The following MYO16 variants were observed in gnomAD, a reference collection of about 807,000 sequenced individuals.
MYO16 encodes unconventional myosin-XVI.
MYO16 carries 94 observed loss-of-function variants against 205.3 expected under a neutral mutation model. That is an observed-to-expected ratio of 0.46 (90% confidence interval 0.39 to 0.54). The LOEUF (loss-of-function observed/expected upper bound fraction) is 0.54, where lower values mean the gene tolerates loss of function less well. Ranked by LOEUF, MYO16 falls within the 20% of genes least tolerant of loss-of-function variation. The probability of loss-of-function intolerance (pLI) is 0.00; values close to 1 mark genes in which losing one functional copy is unlikely to be tolerated. For missense variants in MYO16, 2,315 were observed against 2,387.5 expected (o/e 0.97, Z 0.63); for synonymous variants, 988 against 954.0 (o/e 1.04, Z -0.66).
chr13:109,040,997 A>G (rs1177692539), intron 23 of MYO16, among the ~76,000 whole-genome samples: 2 of 152,208 alleles, frequency 1.3e-5, no homozygotes, highest in Admixed American at 1.3e-4. Flanking sequence ...TCAAAGAACT[A>G]ATAAGTGAGT....
At chr13:108,935,632 C>T (rs1253028480) in intron 16 of MYO16, among the ~76,000 whole-genome samples, 1 of 152,072 alleles carries the variant, frequency 6.6e-6, no homozygotes, top group Non-Finnish European at 1.5e-5. Flanking sequence ...ATTTCTCTGG[C>T]TATGACTTCT....
At chr13:108,517,409 CAA>C in the MYO16 span, among the ~76,000 whole-genome samples, 1 of 152,114 alleles carries the variant, frequency 6.6e-6, no homozygotes, top group African/African-American at 2.4e-5. Context: ...CCAAGAATAA[CAA>C]GAGGAAATTT....
chr13:108,958,835 G>C (rs1216564936), intron 17 of MYO16, among the ~76,000 whole-genome samples: 2 of 152,092 alleles, frequency 1.3e-5, no homozygotes, highest in African/African-American at 4.8e-5. Flanking sequence ...TGGTGTTTTG[G>C]ATTATGGTCA....
At chr13:108,869,487 G>T (rs1452760442) in intron 12 of MYO16, among the ~76,000 whole-genome samples, 2 of 151,808 alleles carry the variant, frequency 1.3e-5, no homozygotes, top group Middle Eastern at 3.4e-3. Flanking sequence ...CACTTTGGGA[G>T]GCCGAGGCGG....
At chr13:108,766,367 G>A (rs1005184218) in intron 4 of MYO16, among the ~76,000 whole-genome samples, 4 of 152,202 alleles carry the variant, frequency 2.6e-5, no homozygotes, top group African/African-American at 9.6e-5. Flanking sequence ...TTTATTTTCT[G>A]CAGGTGCACA....
At chr13:108,572,463 C>G in the MYO16 span, among the ~76,000 whole-genome samples, 3 of 152,162 alleles carry the variant, frequency 2.0e-5, no homozygotes, top group African/African-American at 7.2e-5. Context: ...GGAGGACCAT[C>G]AAGATTATCT....
intron 16 of MYO16, among the ~76,000 whole-genome samples, chr13:108,927,732 G>T (rs995743587): frequency 6.6e-6 from 1 of 152,210 alleles, no homozygotes; most frequent in Non-Finnish European, 1.5e-5. Flanking sequence ...TGGAGGTGTG[G>T]AGCCCTGCAC....
At chr13:108,649,359 G>GA (rs1229125758) in intron 1 of MYO16, among the ~76,000 whole-genome samples, 9 of 152,192 alleles carry the variant, frequency 5.9e-5, no homozygotes, top group African/African-American at 1.7e-4. Context: ...GCCCAGTTCA[G>GA]ATTTCCAGTC....
chr13:108,693,160 A>G (rs1037059241), intron 2 of MYO16, among the ~76,000 whole-genome samples: 1 of 152,234 alleles, frequency 6.6e-6, no homozygotes, highest in African/African-American at 2.4e-5. Context: ...TAAATAATAT[A>G]TGACTTAAGA....
intron 12 of MYO16, among the ~76,000 whole-genome samples, chr13:108,867,072 G>A (rs1025171191): frequency 1.3e-5 from 2 of 151,930 alleles, no homozygotes; most frequent in Non-Finnish European, 1.5e-5. Flanking sequence ...GGCTGGACTC[G>A]GTGGTTCATG....
intron 4 of MYO16, among the ~76,000 whole-genome samples, chr13:108,732,602 A>C (rs530317112): frequency 1.3e-5 from 2 of 152,370 alleles, no homozygotes; most frequent in Non-Finnish European, 2.9e-5. Context: ...AGATGTACTC[A>C]GAATGGCATG....
chr13:108,501,412 ACT>A, the MYO16 span, among the ~76,000 whole-genome samples: 2 of 151,566 alleles, frequency 1.3e-5, no homozygotes, highest in African/African-American at 4.9e-5. Context: ...TCATCCTCTG[ACT>A]CTCTCTCATC....
Position 108,612,544 on chromosome 13 carries a change from G to A in MYO16, c.-39+16305G>A, listed in dbSNP as rs143976467. On this transcript the variant is annotated intron_variant, in intron 1 of 24. Coordinates refer to the MYO16 transcript ENST00000251041. The stretch of plus-strand genomic sequence containing the variant: ...TTAACATGTGCCAAGTACTCTGACT[G>A]GGTTAAAATGTCAAACAAGACATGG... Among the ~76,000 whole-genome samples, 444 of 152,140 alleles carry A rather than the reference G, an allele frequency of 2.9e-3. 2 individuals are homozygous for A. Among genetic ancestry groups the A allele is most frequent in the African/African-American group, 9.4e-3 (392 of 41,524 alleles).
the MYO16 span, among the ~76,000 whole-genome samples, chr13:108,545,300 T>C: frequency 1.3e-5 from 2 of 152,254 alleles, no homozygotes; most frequent in Non-Finnish European, 2.9e-5. Context: ...AATAATCGCC[T>C]TCAGTTCCAT....
chr13:108,860,329 A>G (rs1003980785), intron 11 of MYO16, among the ~76,000 whole-genome samples: 32 of 151,438 alleles, frequency 2.1e-4, no homozygotes, highest in African/African-American at 7.0e-4. Context: ...GTTTCCATAA[A>G]AGACATGATC....
At chr13:108,604,599 A>T (rs187451624) in intron 1 of MYO16, among the ~76,000 whole-genome samples, 109 of 152,342 alleles carry the variant, frequency 7.2e-4, no homozygotes, top group African/African-American at 2.2e-3. Flanking sequence ...AAGTTGATTT[A>T]AAGTTTTGAA....
intron 2 of MYO16, among the ~76,000 whole-genome samples, chr13:108,691,563 G>C (rs1882898184): frequency 6.6e-6 from 1 of 152,138 alleles, no homozygotes; most frequent in South Asian, 2.1e-4. Flanking sequence ...TTTAGAGACA[G>C]GGTCTCACCG....
chr13:108,653,340 T>G (rs1401860313), intron 1 of MYO16, among the ~76,000 whole-genome samples: 1 of 152,220 alleles, frequency 6.6e-6, no homozygotes, highest in African/African-American at 2.4e-5. Context: ...GTAAGCTGCC[T>G]TTTCACTGTG....
intron 2 of MYO16, among the ~76,000 whole-genome samples, chr13:108,697,532 T>C (rs2139510387): frequency 6.6e-6 from 1 of 152,332 alleles, no homozygotes; most frequent in South Asian, 2.1e-4. Context: ...ACAAAGGCAT[T>C]AGCTCACATG....
Sources: allele counts gnomAD v4.1 joint callset (sites outside exome capture counted in the v4.1 genomes callset), GRCh38; gene constraint gnomAD v4.1.1; transcripts MANE v1.5; gene names NCBI Gene and HGNC (gene_info 2026-07-23, HGNC 2026-07-21).